The following LRRC72 variants were observed in gnomAD, a reference collection of about 807,000 sequenced individuals.
LRRC72 encodes the protein leucine-rich repeat-containing protein 72.
In LRRC72, 41 loss-of-function variants were observed where a neutral mutation model predicts 35.8. The observed-to-expected ratio is 1.15, with a 90% CI of 0.89 to 1.49. The LOEUF (loss-of-function observed/expected upper bound fraction) is 1.49. Ranked by LOEUF, LRRC72 falls within the 40% of genes most tolerant of loss-of-function variation. The pLI, the probability that LRRC72 is intolerant of heterozygous loss-of-function variation, is 0.00. For missense variants in LRRC72, 389 were observed against 330.7 expected, an observed-to-expected ratio of 1.18 and a Z score of -1.37; for synonymous variants, 118 against 119.2, an observed-to-expected ratio of 0.99 and a Z score of 0.07.
At chr7:16,576,919 A>G (rs1483845147) in intron 7 of LRRC72, among the ~76,000 whole-genome samples, 1 of 152,186 alleles carries the variant, frequency 6.6e-6, no homozygotes, top group African/African-American at 2.4e-5. Flanking sequence ...GACCAGGCAG[A>G]CTATTTAACA....
intron 7 of LRRC72, among the ~76,000 whole-genome samples, chr7:16,571,312 C>G (rs994055704): frequency 1.3e-5 from 2 of 152,282 alleles, no homozygotes; most frequent in South Asian, 4.1e-4. Flanking sequence ...CCTTATACCC[C>G]CCTCCCTTTT....
At chr7:16,562,180 G>A (rs906669072) in intron 5 of LRRC72, among the ~76,000 whole-genome samples, 1 of 152,120 alleles carries the variant, frequency 6.6e-6, no homozygotes, top group Non-Finnish European at 1.5e-5. Context: ...GGCAGAGTCA[G>A]GGGGCCCCAC....
At chr7:16,556,081 A>AAT (rs71549985) in intron 3 of LRRC72, among the ~76,000 whole-genome samples, 1 of 151,908 alleles carries the variant, frequency 6.6e-6, no homozygotes, top group Non-Finnish European at 1.5e-5. Flanking sequence ...AAAAAAAAAA[A>AAT]ATAGGCGTTC....
At chr7:16,568,861 A>C (rs1236307787) in intron 7 of LRRC72, among the ~76,000 whole-genome samples, 2 of 152,244 alleles carry the variant, frequency 1.3e-5, no homozygotes, top group Non-Finnish European at 2.9e-5. Context: ...ACAGTGATCG[A>C]AAGTTTTTAA....
At chr7:16,529,448 GT>G (rs149513026) in intron 1 of LRRC72, among the ~76,000 whole-genome samples, 1 of 152,028 alleles carries the variant, frequency 6.6e-6, no homozygotes, top group Non-Finnish European at 1.5e-5. Flanking sequence ...GTTTTTTGGG[GT>G]TTTTTTAATG....
chr7:16,541,466 G>C (rs1782355893), intron 3 of LRRC72, among the ~76,000 whole-genome samples: 1 of 152,186 alleles, frequency 6.6e-6, no homozygotes, highest in Non-Finnish European at 1.5e-5. Context: ...GAAAATGAAA[G>C]TGCTTTGGTA....
chr7:16,541,728 A>G (rs1782360350), intron 3 of LRRC72, among the ~76,000 whole-genome samples: 1 of 152,228 alleles, frequency 6.6e-6, no homozygotes, highest in African/African-American at 2.4e-5. Flanking sequence ...CCTGGCCAAC[A>G]TGGTGAAACT....
intron 7 of LRRC72, among the ~76,000 whole-genome samples, chr7:16,575,711 CTT>C (rs1241750665): frequency 6.6e-6 from 1 of 152,118 alleles, no homozygotes; most frequent in Non-Finnish European, 1.5e-5. Context: ...AAAGTCCTTC[CTT>C]TTACTTCATG....
intron 7 of LRRC72, among the ~76,000 whole-genome samples, chr7:16,571,247 A>G (rs1782938609): frequency 6.6e-6 from 1 of 152,234 alleles, no homozygotes; most frequent in Middle Eastern, 3.4e-3. Flanking sequence ...GAGCATTCCA[A>G]GTTAACCTGA....
intron 7 of LRRC72, among the ~76,000 whole-genome samples, chr7:16,574,854 G>A (rs964008960): frequency 2.0e-5 from 3 of 151,686 alleles, no homozygotes; most frequent in South Asian, 2.1e-4. Context: ...GGTGGCTCAC[G>A]CTTGTAATCC....
chr7:16,574,014 G>A (rs1325849420), intron 7 of LRRC72, among the ~76,000 whole-genome samples: 3 of 152,104 alleles, frequency 2.0e-5, no homozygotes, highest in African/African-American at 4.8e-5. Context: ...CTTCTCAAAA[G>A]AAAACATTTA....
intron 5 of LRRC72, among the ~76,000 whole-genome samples, chr7:16,561,718 T>C (rs1413702112): frequency 6.6e-6 from 1 of 152,242 alleles, no homozygotes; most frequent in Non-Finnish European, 1.5e-5. Context: ...AAGCATTTTC[T>C]AAAAATTCAC....
Position 16,526,923 on chromosome 7 carries a change from C to A in LRRC72, c.-30C>A. The A allele has an allele frequency of 6.6e-7, 1 of 1,525,100 alleles. No homozygotes were observed. Among genetic ancestry groups the A allele is most frequent in the Non-Finnish European group, 8.8e-7 (1 of 1,135,266 alleles). 94.5% of individuals were successfully genotyped at this position (1,525,100 alleles called of 1,614,324 possible). A position where few individuals can be genotyped will look rare whatever the true frequency, so the allele number is the denominator to read the frequency against. On this transcript the variant is annotated 5_prime_UTR_variant, in exon 1 of 9. Coordinates refer to ENST00000401542, the MANE Select transcript of LRRC72 (RefSeq NM_001195280.2). ...CACCGGCGGGCGAGGCCGGATTAAT[C>A]ACCGCTGCTTCGGCCGCCCATGTGT...
intron 3 of LRRC72, among the ~76,000 whole-genome samples, chr7:16,555,528 T>C (rs1782635604): frequency 6.6e-6 from 1 of 152,124 alleles, no homozygotes; most frequent in East Asian, 1.9e-4. Context: ...ATCCCAGCAA[T>C]TCGGGAGGCC....
At chr7:16,545,647 T>C (rs1288385667) in intron 3 of LRRC72, among the ~76,000 whole-genome samples, 1 of 152,190 alleles carries the variant, frequency 6.6e-6, no homozygotes, top group Non-Finnish European at 1.5e-5. Context: ...TTTGGGCTCT[T>C]ATGTGTTTCT....
At chr7:16,528,072 C>A (rs1782103089) in intron 1 of LRRC72, among the ~76,000 whole-genome samples, 1 of 152,156 alleles carries the variant, frequency 6.6e-6, no homozygotes, top group African/African-American at 2.4e-5. Context: ...AAATTCAGGC[C>A]TCTAAATTCA....
At chr7:16,564,357 G>C (rs866098871) in intron 5 of LRRC72, among the ~76,000 whole-genome samples, 7 of 151,536 alleles carry the variant, frequency 4.6e-5, no homozygotes, top group African/African-American at 1.7e-4. Context: ...TCTCTGGCTC[G>C]AACTACAATT....
At chr7:16,571,313 C>T (rs1010952687) in intron 7 of LRRC72, among the ~76,000 whole-genome samples, 2 of 152,144 alleles carry the variant, frequency 1.3e-5, no homozygotes, top group South Asian at 2.1e-4. Flanking sequence ...CTTATACCCC[C>T]CTCCCTTTTG....
chr7:16,566,225 C>G, intron 5 of LRRC72, 88 bp from the exon 6 acceptor site: 1 of 720,932 alleles, frequency 1.4e-6, no homozygotes, highest in Non-Finnish European at 2.0e-6. Flanking sequence ...ATGTTTTATA[C>G]GAATCTCTTA....
Sources: allele counts gnomAD v4.1 joint callset (sites outside exome capture counted in the v4.1 genomes callset), GRCh38; gene constraint gnomAD v4.1.1; transcripts MANE v1.5; gene names NCBI Gene and HGNC (gene_info 2026-07-23, HGNC 2026-07-21).